The following DOCK2 variants were observed in gnomAD, a reference collection of about 807,000 sequenced individuals.
DOCK2 encodes the protein dedicator of cytokinesis protein 2.
A neutral mutation model predicts 248.9 loss-of-function variants in DOCK2; 87 were observed. The observed-to-expected ratio is 0.35, with a 90% CI of 0.29 to 0.42. DOCK2 has a LOEUF of 0.42. DOCK2 is among the 10% of genes least tolerant of loss of function. The probability of loss-of-function intolerance (pLI) is 1.00; values close to 1 mark genes in which losing one functional copy is unlikely to be tolerated. For missense variants in DOCK2, 1,747 were observed against 2,300.2 expected, an observed-to-expected ratio of 0.76 and a Z score of 4.92; for synonymous variants, 805 against 821.6, an observed-to-expected ratio of 0.98 and a Z score of 0.35.
chr5:169,806,601 A>C (rs999114687), intron 26 of DOCK2, among the ~76,000 whole-genome samples: 2 of 152,206 alleles, frequency 1.3e-5, no homozygotes, highest in African/African-American at 4.8e-5. Context: ...CATTTGGCAC[A>C]CTTTCCTCTG....
intron 2 of DOCK2, among the ~76,000 whole-genome samples, chr5:169,663,284 AC>A (rs1181646300): frequency 1.3e-5 from 2 of 152,136 alleles, no homozygotes; most frequent in African/African-American, 4.8e-5. Context: ...CAGGGTACAG[AC>A]CCCACAGCTT....
In DOCK2 at chr5:169,701,500, C is replaced by T. The variant is rs1760966405; in HGVS notation, c.1259-803C>T. On this transcript the variant is annotated intron_variant, in intron 13 of 51. Coordinates refer to ENST00000520908, the MANE Select transcript of DOCK2 (RefSeq NM_004946.3). ...TAACCCCTTGTAGGATTTTCTATTC[C>T]TTTTTTTTTTTCTTTTTGTTTTTTT... Among the ~76,000 whole-genome samples, 3 of 146,234 alleles carry T rather than the reference C, an allele frequency of 2.1e-5. No individual in the cohort carries two copies. The Admixed American group carries it at 2.1e-4, about 10-fold the overall frequency.
intron 36 of DOCK2, among the ~76,000 whole-genome samples, chr5:170,040,143 A>G (rs2113842786): frequency 6.6e-6 from 1 of 152,234 alleles, no homozygotes; most frequent in East Asian, 1.9e-4. Flanking sequence ...TAAGACACAC[A>G]TGGTCTCCTT....
chr5:169,886,623 C>A (rs1024745523), intron 27 of DOCK2, among the ~76,000 whole-genome samples: 3 of 152,174 alleles, frequency 2.0e-5, no homozygotes, highest in Non-Finnish European at 4.4e-5. Context: ...GGCATTTAAT[C>A]CTCAAAATAA....
At chr5:169,984,305 G>T (rs997752917) in intron 28 of DOCK2, among the ~76,000 whole-genome samples, 1 of 152,154 alleles carries the variant, frequency 6.6e-6, no homozygotes, top group African/African-American at 2.4e-5. Flanking sequence ...AAGGGGATGT[G>T]CCTGTGATGA....
At chr5:170,049,034 G>C (rs1756815955) in intron 40 of DOCK2, among the ~76,000 whole-genome samples, 1 of 152,212 alleles carries the variant, frequency 6.6e-6, no homozygotes, top group South Asian at 2.1e-4. Context: ...GTTTCATGGA[G>C]GAAGTAGAGG....
intron 46 of DOCK2, among the ~76,000 whole-genome samples, chr5:170,071,774 A>T (rs1165722639): frequency 6.6e-6 from 1 of 152,244 alleles, no homozygotes; most frequent in African/African-American, 2.4e-5. Flanking sequence ...TGCTTTAAAA[A>T]AAATACTTTA....
chr5:169,961,428 C>A (rs925271658), intron 27 of DOCK2, among the ~76,000 whole-genome samples: 4 of 152,172 alleles, frequency 2.6e-5, no homozygotes, highest in African/African-American at 9.7e-5. Context: ...AACAACAGTG[C>A]AAGAATAAGT....
intron 27 of DOCK2, among the ~76,000 whole-genome samples, chr5:169,869,314 T>C (rs948059665): frequency 1.4e-4 from 21 of 152,188 alleles, no homozygotes; most frequent in African/African-American, 5.1e-4. Flanking sequence ...CACTCCCCTC[T>C]TGTGACTGCC....
At chr5:169,709,425 G>C (rs1761454677) in intron 15 of DOCK2, among the ~76,000 whole-genome samples, 1 of 152,180 alleles carries the variant, frequency 6.6e-6, no homozygotes, top group Non-Finnish European at 1.5e-5. Context: ...TTTAGGCCAG[G>C]TGCAGTGGCT....
At chr5:169,719,953 G>T (rs1472775075) in intron 22 of DOCK2, among the ~76,000 whole-genome samples, 1 of 152,012 alleles carries the variant, frequency 6.6e-6, no homozygotes, top group Non-Finnish European at 1.5e-5. Context: ...TTGTGATTGT[G>T]ATCATGACAA....
At chr5:169,768,978 G>C (rs191708088) in intron 25 of DOCK2, among the ~76,000 whole-genome samples, 2 of 152,274 alleles carry the variant, frequency 1.3e-5, no homozygotes, top group Admixed American at 1.3e-4. Context: ...GATGTCTCAG[G>C]CATTTCAGCT....
chr5:169,916,218 C>G (rs1016529246), intron 27 of DOCK2, among the ~76,000 whole-genome samples: 10 of 152,194 alleles, frequency 6.6e-5, no homozygotes, highest in Non-Finnish European at 1.5e-4. Context: ...CATACGGAAC[C>G]TCTTCTAAAC....
At chr5:170,042,543 C>T (rs1389381182) in intron 38 of DOCK2, among the ~76,000 whole-genome samples, 2 of 152,218 alleles carry the variant, frequency 1.3e-5, no homozygotes, top group Non-Finnish European at 2.9e-5. Flanking sequence ...GGCTGCCTCT[C>T]TCATTTCATC....
At chr5:169,898,030 G>A (rs756409131) in intron 27 of DOCK2, among the ~76,000 whole-genome samples, 36 of 152,280 alleles carry the variant, frequency 2.4e-4, no homozygotes, top group South Asian at 8.3e-4. Flanking sequence ...GAAATAATTC[G>A]GCTGAGCAAT....
chr5:169,891,491 T>TA (rs1773281310), intron 27 of DOCK2, among the ~76,000 whole-genome samples: 1 of 152,168 alleles, frequency 6.6e-6, no homozygotes, highest in Admixed American at 6.5e-5. Context: ...CCCTTAGCAG[T>TA]AAAATCAGCT....
At chr5:170,041,828 C>G (rs570039699) in intron 37 of DOCK2, among the ~76,000 whole-genome samples, 185 bp from the exon 38 acceptor site, 118 of 152,306 alleles carry the variant, frequency 7.7e-4, no homozygotes, top group Non-Finnish European at 1.4e-3. Context: ...GTACTCATGC[C>G]TCAAAAGGGC....
chr5:169,638,978 A>G (rs1340281335), intron 1 of DOCK2, among the ~76,000 whole-genome samples: 3 of 152,184 alleles, frequency 2.0e-5, no homozygotes, highest in African/African-American at 4.8e-5. Flanking sequence ...GGGTCAAACA[A>G]TAAGTAGTCT....
Position 169,927,759 on chromosome 5 carries a change from G to A in DOCK2, c.2800-55309G>A, listed in dbSNP as rs1775540128. On this transcript the variant is annotated intron_variant, in intron 27 of 51. Transcript: ENST00000520908. ...AGCCTCCCGAGTAGCTGGGACTACAGGCGCCCGCCACCACGCCTGGCTAAT... is the reference window on the plus strand; with the variant it reads ...AGCCTCCCGAGTAGCTGGGACTACAAGCGCCCGCCACCACGCCTGGCTAAT... 2.6e-5 allele frequency among the ~76,000 whole-genome samples: 4 copies of A among 152,306 alleles called. No individual in the cohort carries two copies. In the South Asian group the frequency reaches 8.3e-4, roughly 32 times the overall value.
Sources: allele counts gnomAD v4.1 joint callset (sites outside exome capture counted in the v4.1 genomes callset), GRCh38; gene constraint gnomAD v4.1.1; transcripts MANE v1.5; gene names NCBI Gene and HGNC (gene_info 2026-07-23, HGNC 2026-07-21).